The following CRADD variants were observed in gnomAD, a reference collection of about 807,000 sequenced individuals.
CRADD encodes the protein death domain-containing protein CRADD.
A neutral mutation model predicts 15.5 loss-of-function variants in CRADD; 9 were observed. That is an observed-to-expected ratio of 0.58 (90% CI 0.35 to 1.01). The LOEUF is 1.01. Among genes scored for constraint, CRADD ranks in the 50% least tolerant of loss-of-function variants. The probability of loss-of-function intolerance (pLI) is 0.02; values close to 1 mark genes in which losing one functional copy is unlikely to be tolerated. For synonymous variants in CRADD, 118 were observed against 107.6 expected, an observed-to-expected ratio of 1.10 and a Z score of -0.60; for missense variants, 227 against 250.3, an observed-to-expected ratio of 0.91 and a Z score of 0.63.
chr12:93,769,189 C>T (rs992273840), intron 2 of CRADD, among the ~76,000 whole-genome samples: 3 of 152,052 alleles, frequency 2.0e-5, no homozygotes, highest in Non-Finnish European at 4.4e-5. Flanking sequence ...AAGTGATCCT[C>T]CCCCAAGTTA....
At chr12:93,714,317 A>G (rs2136870194) in intron 2 of CRADD, among the ~76,000 whole-genome samples, 1 of 152,350 alleles carries the variant, frequency 6.6e-6, no homozygotes, top group African/African-American at 2.4e-5. Context: ...TTTTACAGCT[A>G]CATGAAATAA....
intron 2 of CRADD, among the ~76,000 whole-genome samples, chr12:93,839,337 C>T (rs1398267052): frequency 6.6e-6 from 1 of 152,182 alleles, no homozygotes; most frequent in South Asian, 2.1e-4. Flanking sequence ...GATATCTATA[C>T]CTATATCTAT....
chr12:93,853,161 C>T (rs1482095586), downstream of CRADD, among the ~76,000 whole-genome samples: 4 of 150,996 alleles, frequency 2.6e-5, no homozygotes, highest in African/African-American at 7.3e-5. Flanking sequence ...TTTTTTTTGT[C>T]GATGTGGGAC....
intron 2 of CRADD, among the ~76,000 whole-genome samples, chr12:93,789,839 A>G (rs1172950860): frequency 1.3e-5 from 2 of 152,206 alleles, no homozygotes; most frequent in Admixed American, 1.3e-4. Context: ...GTTTTTCTGT[A>G]GAAGATAGCT....
intron 2 of CRADD, among the ~76,000 whole-genome samples, chr12:93,783,545 T>C (rs935787538): frequency 1.3e-5 from 2 of 152,132 alleles, no homozygotes; most frequent in African/African-American, 4.8e-5. Flanking sequence ...ACTGTAACAA[T>C]TACAAAGATT....
intron 2 of CRADD, among the ~76,000 whole-genome samples, chr12:93,766,066 G>T (rs942040109): frequency 5.9e-5 from 9 of 152,204 alleles, no homozygotes. Flanking sequence ...ATTCATATTT[G>T]AAGGGAAAGC....
chr12:93,721,227 C>CT (rs1028206051), intron 2 of CRADD, among the ~76,000 whole-genome samples: 1 of 151,994 alleles, frequency 6.6e-6, no homozygotes, highest in Non-Finnish European at 1.5e-5. Context: ...CACCATGCTC[C>CT]TTTTTTTGTT....
In CRADD at chr12:93,838,302, G is replaced by C. The variant is rs1958001741; in HGVS notation, c.299-11668G>C. Among the ~76,000 whole-genome samples, 3 of 149,676 alleles carry C rather than the reference G, an allele frequency of 2.0e-5. No individual in the cohort carries two copies. In the South Asian group the frequency reaches 6.4e-4, roughly 32 times the overall value. On this transcript the variant is annotated intron_variant, in intron 2 of 2. Transcript: ENST00000332896. ...CAGAGCCTTTGTACTCAGGGACCAG[G>C]GTTAATTCATGAGTCCTGGGAGGTG...
intron 2 of CRADD, among the ~76,000 whole-genome samples, chr12:93,755,550 C>T (rs1415644447): frequency 6.6e-6 from 1 of 152,194 alleles, no homozygotes; most frequent in African/African-American, 2.4e-5. Flanking sequence ...CATATGAATA[C>T]ACAAACTTAC....
intron 2 of CRADD, among the ~76,000 whole-genome samples, chr12:93,833,085 C>G (rs12829566): frequency 0.32 from 49,183 of 152,130 alleles, 8,504 homozygotes; most frequent in East Asian, 0.66. Context: ...GCTCTTTTGC[C>G]TTTGTGGCAA....
At chr12:93,757,064 C>T (rs570226897) in intron 2 of CRADD, among the ~76,000 whole-genome samples, 1 of 152,254 alleles carries the variant, frequency 6.6e-6, no homozygotes, top group East Asian at 1.9e-4. Flanking sequence ...TTTTAAGCAC[C>T]ATCACTTAAA....
intron 2 of CRADD, among the ~76,000 whole-genome samples, chr12:93,781,435 A>G (rs999224142): frequency 6.6e-6 from 1 of 152,218 alleles, no homozygotes; most frequent in East Asian, 1.9e-4. Flanking sequence ...AAAAGTTTTA[A>G]AAACCTACAG....
At chr12:93,679,421 C>T (rs552900893) in intron 2 of CRADD, among the ~76,000 whole-genome samples, 1 of 152,266 alleles carries the variant, frequency 6.6e-6, no homozygotes, top group African/African-American at 2.4e-5. Flanking sequence ...GGATTACAGA[C>T]GTGAGCCACC....
intron 2 of CRADD, among the ~76,000 whole-genome samples, chr12:93,712,699 C>G (rs953259040): frequency 1.3e-5 from 2 of 152,036 alleles, no homozygotes; most frequent in Non-Finnish European, 2.9e-5. Context: ...ATTATGAAGA[C>G]AGGTAAATGA....
intron 2 of CRADD, chr12:93,707,802 A>C (rs996850744): frequency 3.9e-5 from 6 of 152,184 alleles, no homozygotes; most frequent in African/African-American, 1.4e-4. Flanking sequence ...GCATTTATTT[A>C]ATAGCAATTT....
chr12:93,687,401 C>G (rs1356198439), intron 2 of CRADD, among the ~76,000 whole-genome samples: 1 of 152,140 alleles, frequency 6.6e-6, no homozygotes, highest in Non-Finnish European at 1.5e-5. Flanking sequence ...TTTGGAATCA[C>G]CTGGGGAGCT....
At chr12:93,797,514 G>A (rs945746652) in intron 2 of CRADD, among the ~76,000 whole-genome samples, 1 of 152,070 alleles carries the variant, frequency 6.6e-6, no homozygotes, top group African/African-American at 2.4e-5. Flanking sequence ...CGGGTTTTGG[G>A]TTTCCAGAAG....
At chr12:93,784,385 C>T (rs986406371) in intron 2 of CRADD, among the ~76,000 whole-genome samples, 8 of 152,002 alleles carry the variant, frequency 5.3e-5, no homozygotes, top group East Asian at 1.9e-4. Flanking sequence ...CTGAGGTGGC[C>T]GCAGCACAGA....
intron 2 of CRADD, among the ~76,000 whole-genome samples, chr12:93,787,501 T>C (rs1957293460): frequency 6.6e-6 from 1 of 152,004 alleles, no homozygotes; most frequent in Non-Finnish European, 1.5e-5. Context: ...CTGAACCTTG[T>C]ACTTAACCTC....
Sources: allele counts gnomAD v4.1 joint callset (sites outside exome capture counted in the v4.1 genomes callset), GRCh38; gene constraint gnomAD v4.1.1; transcripts MANE v1.5; gene names NCBI Gene and HGNC (gene_info 2026-07-23, HGNC 2026-07-21).